SYTL3: variants seen among roughly 807,000 people sequenced by gnomAD.
The protein encoded by SYTL3 is synaptotagmin like 3.
Under a neutral mutation model 82.1 loss-of-function variants are expected in SYTL3, and 88 were observed. The ratio of observed to expected loss-of-function variants is 1.07; its 90% confidence interval spans 0.90 to 1.28. SYTL3 has a LOEUF of 1.28. SYTL3 is among the 50% of genes most tolerant of loss of function. SYTL3 has a pLI of 0.00. For synonymous variants in SYTL3, 311 were observed against 289.4 expected (o/e 1.07, Z -0.76); for missense variants, 831 against 757.6 (o/e 1.10, Z -1.14).
At chr6:158,736,775 C>T (rs1272749093) in intron 11 of SYTL3, among the ~76,000 whole-genome samples, 4 of 140,774 alleles carry the variant, frequency 2.8e-5, no homozygotes, top group South Asian at 2.2e-4. Context: ...GCGACAAGAG[C>T]GAGACTCTGT....
chr6:158,703,356 G>C (rs1781552760), intron 6 of SYTL3, among the ~76,000 whole-genome samples: 1 of 152,034 alleles, frequency 6.6e-6, no homozygotes, highest in Non-Finnish European at 1.5e-5. Flanking sequence ...CCCTGCTAAA[G>C]TCACTCGCCA....
intron 1 of SYTL3, among the ~76,000 whole-genome samples, chr6:158,651,280 T>C (rs1787978119): frequency 1.3e-5 from 2 of 152,162 alleles, no homozygotes; most frequent in South Asian, 4.1e-4. Flanking sequence ...TTGTGAGTAG[T>C]ACCTAGAAGG....
At chr6:158,748,964 C>T (rs1399632783) in intron 12 of SYTL3, among the ~76,000 whole-genome samples, 2 of 151,624 alleles carry the variant, frequency 1.3e-5, no homozygotes, top group South Asian at 2.1e-4. Flanking sequence ...CTCATGGCTG[C>T]AAGCCCAGCA....
At chr6:158,713,167 A>G (rs1207806337) in intron 8 of SYTL3, among the ~76,000 whole-genome samples, 2 of 151,916 alleles carry the variant, frequency 1.3e-5, no homozygotes, top group Non-Finnish European at 2.9e-5. Flanking sequence ...CGTGCTCATG[A>G]TGTATTTATT....
At chr6:158,738,497 C>G (rs1239405923) in intron 11 of SYTL3, among the ~76,000 whole-genome samples, 1 of 152,180 alleles carries the variant, frequency 6.6e-6, no homozygotes, top group Non-Finnish European at 1.5e-5. Context: ...CCTGCCTTCT[C>G]TGTTCCTTAT....
At position 158,723,484 on chromosome 6, in the gene SYTL3, C is replaced by G. The variant is rs184999716; in HGVS notation, c.721-2019C>G. ...AGGCAGAGTCACGTGTTTTCCAGCA[C>G]TCTTGCCAACATTCAACTTTGTACC... On this transcript the variant is annotated intron_variant, in intron 10 of 17. Transcript: ENST00000611299. Among the ~76,000 whole-genome samples, 31 of 152,280 alleles carry G rather than the reference C, an allele frequency of 2.0e-4. No individual in the cohort carries two copies. In the South Asian group the frequency reaches 2.3e-3, roughly 11 times the overall value.
upstream of SYTL3, among the ~76,000 whole-genome samples, chr6:158,647,363 T>C (rs560903425): frequency 5.9e-5 from 9 of 152,398 alleles, no homozygotes; most frequent in African/African-American, 2.2e-4. Context: ...CTGGTCTGTT[T>C]ATCTTCACAA....
intron 7 of SYTL3, 61 bp from the exon 8 acceptor site, chr6:158,708,261 G>A: frequency 7.2e-7 from 1 of 1,390,180 alleles, no homozygotes. Context: ...TTGTGTATTT[G>A]TAAAACTAAC....
intron 2 of SYTL3, among the ~76,000 whole-genome samples, chr6:158,652,744 G>A (rs1788187422): frequency 6.6e-6 from 1 of 151,762 alleles, no homozygotes; most frequent in Non-Finnish European, 1.5e-5. Context: ...GTTTCACCAT[G>A]TTGGCCAGGC....
At chr6:158,759,316 C>T (rs12660242) in intron 14 of SYTL3, among the ~76,000 whole-genome samples, 53,696 of 152,106 alleles carry the variant, frequency 0.35, 10,491 homozygotes, top group East Asian at 0.79. Context: ...GGCTCTGTTC[C>T]GCCTCGGTTT....
chr6:158,656,716 C>T (rs2128352442), intron 2 of SYTL3, among the ~76,000 whole-genome samples: 1 of 151,684 alleles, frequency 6.6e-6, no homozygotes, highest in South Asian at 2.1e-4. Context: ...CAGAGCGAGA[C>T]TCTGTCTCAA....
chr6:158,706,486 T>G lies in SYTL3; in HGVS notation c.395-744T>G, dbSNP rs559806378. Among the ~76,000 whole-genome samples the G allele has an allele frequency of 1.4e-4, 22 of 152,264 alleles. No homozygotes were observed. The South Asian group carries it at 4.6e-3, about 32-fold the overall frequency. On this transcript the variant is annotated intron_variant, in intron 6 of 17. Coordinates refer to ENST00000611299, the MANE Select transcript of SYTL3 (RefSeq NM_001242394.2). ...GCTTCGGCACAGGAGCTAGACTGCCTCCCAGGGTGGCAGGCCCGGTGTTCT... is the reference window on the plus strand; with the variant it reads ...GCTTCGGCACAGGAGCTAGACTGCCGCCCAGGGTGGCAGGCCCGGTGTTCT...
chr6:158,689,568 T>C (rs1397739549), intron 6 of SYTL3, among the ~76,000 whole-genome samples: 4 of 152,218 alleles, frequency 2.6e-5, no homozygotes, highest in African/African-American at 9.6e-5. Context: ...GTATAATTTC[T>C]TTTGCTTTTA....
At chr6:158,758,493 G>A (rs1789458568) in intron 14 of SYTL3, among the ~76,000 whole-genome samples, 1 of 151,672 alleles carries the variant, frequency 6.6e-6, no homozygotes, top group African/African-American at 2.4e-5. Context: ...AGGGCCCACG[G>A]CAGGCCCAGC....
intron 16 of SYTL3, 65 bp from the exon 17 acceptor site, chr6:158,763,239 C>T: frequency 1.3e-6 from 2 of 1,488,822 alleles, no homozygotes; most frequent in Non-Finnish European, 1.9e-6. Flanking sequence ...TGCACTGACG[C>T]ACAGGCCTCA....
Position 158,708,333 on chromosome 6 carries a change from T to C in SYTL3, c.458T>C (p.Val153Ala), listed in dbSNP as rs1360782234. Residue 153 changes from valine to alanine, a missense_variant, in exon 8 of 18, where the codon GTG becomes GCG. Transcript: ENST00000611299. ...QSYQKLSKIS[V>A]VPPTPPPVSE... ...GTTTTCCTTGGCAGCAAAATTTCTG[T>C]GGTTCCTCCTACTCCACCTCCTGTC... 1 of 1,614,184 alleles carries C rather than the reference T, an allele frequency of 6.2e-7. No individual in the cohort carries two copies. The highest frequency in any genetic ancestry group is 1.7e-5 in the Admixed American group (1 of 60,024).
At position 158,726,584 on chromosome 6, in the gene SYTL3, G is replaced by A. The variant is rs1438492620; in HGVS notation, c.855+947G>A. On this transcript the variant is annotated intron_variant, in intron 11 of 17. Transcript: ENST00000611299. ...GTGTCTTTCTGTAAGGGCCACTGAA[G>A]AACTGTTCAAAGTCTTGGGGAGCCT... is the stretch of plus-strand genomic sequence containing the variant. 4 of 219,860 alleles carry A rather than the reference G, an allele frequency of 1.8e-5. No individual in the cohort carries two copies. In the East Asian group the frequency reaches 4.7e-4, roughly 26 times the overall value. The allele number at this position is 219,860 out of a possible 1,614,324, so 13.6% of individuals were successfully genotyped here.
chr6:158,756,530 T>C (rs1393236085), intron 13 of SYTL3, among the ~76,000 whole-genome samples: 2 of 152,008 alleles, frequency 1.3e-5, no homozygotes, highest in African/African-American at 4.8e-5. Flanking sequence ...GCCAACGTGG[T>C]GAAACCCTGT....
intron 2 of SYTL3, among the ~76,000 whole-genome samples, chr6:158,660,699 A>G (rs1264212025): frequency 6.6e-6 from 1 of 152,208 alleles, no homozygotes; most frequent in Admixed American, 6.5e-5. Flanking sequence ...AGAACGGAGC[A>G]CAAACAGCCA....
Sources: allele counts gnomAD v4.1 joint callset (sites outside exome capture counted in the v4.1 genomes callset), GRCh38; gene constraint gnomAD v4.1.1; transcripts MANE v1.5; gene names NCBI Gene and HGNC (gene_info 2026-07-23, HGNC 2026-07-21).